The following MGST2 variants were observed in gnomAD, a reference collection of about 807,000 sequenced individuals.
MGST2 encodes the protein microsomal glutathione S-transferase 2.
MGST2 carries 9 observed loss-of-function variants against 16.6 expected under a neutral mutation model. The observed-to-expected ratio is 0.54, with a 90% CI of 0.33 to 0.95. The LOEUF is 0.95. MGST2 is among the 40% of genes least tolerant of loss of function. The probability of loss-of-function intolerance (pLI) is 0.03; values close to 1 mark genes in which losing one functional copy is unlikely to be tolerated. For synonymous variants in MGST2, 79 were observed against 68.0 expected (o/e 1.16, Z -0.79); for missense variants, 159 against 175.1 (o/e 0.91, Z 0.52).
intron 2 of MGST2, among the ~76,000 whole-genome samples, chr4:139,689,919 A>G (rs1355368069): frequency 3.3e-5 from 5 of 152,222 alleles, no homozygotes; most frequent in Admixed American, 3.3e-4. Context: ...GAATACACTA[A>G]GTAATCCACT....
intron 2 of MGST2, among the ~76,000 whole-genome samples, chr4:139,692,694 G>A (rs1390697339): frequency 6.6e-6 from 1 of 152,186 alleles, no homozygotes; most frequent in Non-Finnish European, 1.5e-5. Context: ...TAGCTTGTGA[G>A]GGCAGCAGGG....
downstream of MGST2, among the ~76,000 whole-genome samples, chr4:139,742,710 G>A (rs1323816794): frequency 6.6e-6 from 1 of 152,156 alleles, no homozygotes; most frequent in Non-Finnish European, 1.5e-5. Flanking sequence ...AGTTAAGTTG[G>A]TAGCTAAATA....
At position 139,729,448 on chromosome 4, in the gene MGST2, C is replaced by T. The variant is rs540261643; in HGVS notation, c.*49-10764C>T. ...CAGCCTGGTCAACATAGTGCGACCC[C>T]GTCTCTATTTCTTTAAGAAAAAATT... On this transcript the variant is annotated intron_variant, in intron 5 of 5. Transcript: ENST00000616265. Among the ~76,000 whole-genome samples, 18 of 152,202 alleles carry T rather than the reference C, an allele frequency of 1.2e-4. No homozygotes were observed. In the East Asian group the frequency reaches 3.3e-3, roughly 28 times the overall value.
chr4:139,684,512 C>T (rs536668834), intron 2 of MGST2, among the ~76,000 whole-genome samples: 1 of 152,292 alleles, frequency 6.6e-6, no homozygotes, highest in South Asian at 2.1e-4. Flanking sequence ...TAATAATTCT[C>T]AACTGGCTGT....
chr4:139,747,511 T>G, the MGST2 span, among the ~76,000 whole-genome samples: 1 of 151,764 alleles, frequency 6.6e-6, no homozygotes, highest in Admixed American at 6.6e-5. Flanking sequence ...ATGGCCAACA[T>G]GGTGAAACCC....
chr4:139,734,769 A>G (rs1728865014), intron 5 of MGST2, among the ~76,000 whole-genome samples: 1 of 152,284 alleles, frequency 6.6e-6, no homozygotes, highest in African/African-American at 2.4e-5. Context: ...GTTTTCAAGA[A>G]CATGCATAGT....
intron 1 of MGST2, among the ~76,000 whole-genome samples, chr4:139,669,755 T>C (rs552792237): frequency 6.6e-6 from 1 of 152,224 alleles, no homozygotes; most frequent in African/African-American, 2.4e-5. Context: ...GCTGTGACAA[T>C]TTATTTTAAT....
intron 5 of MGST2, among the ~76,000 whole-genome samples, chr4:139,713,554 T>A (rs1384024207): frequency 1.3e-5 from 2 of 151,838 alleles, no homozygotes; most frequent in African/African-American, 4.8e-5. Context: ...AAAAACAAGT[T>A]CCAAAAAGAG....
At chr4:139,689,392 C>T (rs547449284) in intron 2 of MGST2, among the ~76,000 whole-genome samples, 2 of 152,180 alleles carry the variant, frequency 1.3e-5, no homozygotes, top group Non-Finnish European at 2.9e-5. Context: ...GTGTCCCACT[C>T]AGAGTTACTT....
chr4:139,710,338 CA>C (rs1200744472), intron 5 of MGST2, among the ~76,000 whole-genome samples: 3 of 152,208 alleles, frequency 2.0e-5, no homozygotes, highest in Admixed American at 6.5e-5. Flanking sequence ...TTTCTTCCCC[CA>C]TCACCATACT....
chr4:139,670,765 T>A (rs1372895977), intron 1 of MGST2, among the ~76,000 whole-genome samples: 1 of 151,884 alleles, frequency 6.6e-6, no homozygotes, highest in Admixed American at 6.6e-5. Flanking sequence ...ATACAAAAAA[T>A]TAGCTGAGTG....
chr4:139,717,858 CTTG>C (rs780126912), intron 5 of MGST2: 5 of 152,002 alleles, frequency 3.3e-5, no homozygotes, highest in African/African-American at 9.7e-5. Context: ...GGCAAGGAGC[CTTG>C]TTGATTCCTT....
chr4:139,730,934 A>G, intron 5 of MGST2: 1 of 508,542 alleles, frequency 2.0e-6, no homozygotes, highest in East Asian at 3.1e-5. Context: ...GGGACTGACT[A>G]TTGCATATAG....
intron 5 of MGST2, among the ~76,000 whole-genome samples, chr4:139,712,990 A>G (rs1727796700): frequency 6.6e-6 from 1 of 152,212 alleles, no homozygotes; most frequent in Non-Finnish European, 1.5e-5. Flanking sequence ...AGAAACAAAT[A>G]TGTTCCAAAT....
At chr4:139,668,744 G>C (rs1003383009) in intron 1 of MGST2, among the ~76,000 whole-genome samples, 1 of 152,160 alleles carries the variant, frequency 6.6e-6, no homozygotes, top group Non-Finnish European at 1.5e-5. Flanking sequence ...ACAGGCTGGG[G>C]TATGTACAGG....
intron 5 of MGST2, among the ~76,000 whole-genome samples, chr4:139,734,052 T>C (rs1728829989): frequency 2.0e-5 from 3 of 152,186 alleles, no homozygotes; most frequent in Admixed American, 1.3e-4. Context: ...GCAACAAAGC[T>C]CTGCGGCATT....
At chr4:139,733,789 A>G (rs907323) in intron 5 of MGST2, among the ~76,000 whole-genome samples, 9,418 of 152,172 alleles carry the variant, frequency 0.062, 474 homozygotes, top group Admixed American at 0.14. Flanking sequence ...GGCTCAAGCA[A>G]TCTTCCTGCC....
chr4:139,743,745 T>G (rs1272483094), downstream of MGST2, among the ~76,000 whole-genome samples: 1 of 152,210 alleles, frequency 6.6e-6, no homozygotes, highest in Non-Finnish European at 1.5e-5. Context: ...TTACTTTCTA[T>G]AGAAAGCCTT....
At chr4:139,732,524 A>T (rs189957292) in intron 5 of MGST2, among the ~76,000 whole-genome samples, 93 of 152,220 alleles carry the variant, frequency 6.1e-4, no homozygotes, top group Non-Finnish European at 7.1e-4. Flanking sequence ...GCAGTAGCTT[A>T]GGTCACACAA....
Sources: gnomAD v4.1 joint callset for allele counts (sites outside exome capture counted in the v4.1 genomes callset) on GRCh38, gnomAD v4.1.1 for gene constraint, MANE v1.5 for transcripts, NCBI Gene and HGNC (gene_info 2026-07-23, HGNC 2026-07-21) for gene names.